The following PTPN9 variants were observed in gnomAD, a reference collection of about 807,000 sequenced individuals.
PTPN9 encodes protein tyrosine phosphatase non-receptor type 9.
PTPN9 carries 26 observed loss-of-function variants against 69.8 expected under a neutral mutation model. That is an observed-to-expected ratio of 0.37 (90% CI 0.27 to 0.52). The LOEUF (loss-of-function observed/expected upper bound fraction) is 0.52. PTPN9 is among the 20% of genes least tolerant of loss of function. The pLI, the probability that PTPN9 is intolerant of heterozygous loss-of-function variation, is 0.91. For missense variants in PTPN9, 549 were observed against 740.3 expected, an observed-to-expected ratio of 0.74 and a Z score of 3.00; for synonymous variants, 274 against 272.5, an observed-to-expected ratio of 1.01 and a Z score of -0.05.
intron 1 of PTPN9, among the ~76,000 whole-genome samples, chr15:75,529,003 T>C (rs1279986051): frequency 6.6e-6 from 1 of 151,844 alleles, no homozygotes; most frequent in East Asian, 1.9e-4. Context: ...TGGAATTTTT[T>C]TTTTAGATAG....
chr15:75,528,890 C>G (rs115167203), intron 1 of PTPN9, among the ~76,000 whole-genome samples: 1 of 150,770 alleles, frequency 6.6e-6, no homozygotes, highest in Non-Finnish European at 1.5e-5. Context: ...TTTGTAGAGA[C>G]GAGGACTCCC....
intron 1 of PTPN9, among the ~76,000 whole-genome samples, chr15:75,539,070 G>A (rs976970510): frequency 3.3e-5 from 5 of 152,138 alleles, no homozygotes; most frequent in Non-Finnish European, 5.9e-5. Flanking sequence ...AGCATTGGAA[G>A]ATAACTATAA....
chr15:75,486,704 T>C (rs770450173), intron 8 of PTPN9, among the ~76,000 whole-genome samples: 18 of 151,740 alleles, frequency 1.2e-4, no homozygotes, highest in Non-Finnish European at 2.4e-4. Context: ...TATTGTATAC[T>C]TGAAAATTGC....
Position 75,505,799 on chromosome 15 carries a change from C to T in PTPN9, c.844G>A (p.Gly282Ser). ...ALDWDSVHVP[G>S]PHAMTIQELV... ...TCTTGGATGGTCATAGCATGGGGAC[C>T]TGGAACATGTACTGAGTCCCAGTCT... Residue 282 changes from glycine to serine, a missense_variant, in exon 7 of 13, where the codon GGT (glycine) becomes AGT (serine). Transcript: ENST00000618819. 6.2e-7 allele frequency: 1 copy of T among 1,614,108 alleles called. No individual in the cohort carries two copies. The highest frequency in any genetic ancestry group is 2.2e-5 in the East Asian group (1 of 44,890).
chr15:75,577,693 T>A (rs1020227642), intron 1 of PTPN9, among the ~76,000 whole-genome samples: 1 of 152,238 alleles, frequency 6.6e-6, no homozygotes, highest in Non-Finnish European at 1.5e-5. Context: ...GCAAATGTGG[T>A]CCTTGGAAAC....
rs533484553 is a variant in PTPN9, at chr15:75,559,642, C to T, written c.63+19072G>A. Among the ~76,000 whole-genome samples the T allele has an allele frequency of 9.9e-5, 15 of 151,976 alleles. 1 individual carries two copies. Among genetic ancestry groups the T allele is most frequent in the Admixed American group, 7.9e-4 (12 of 15,242 alleles). ...CAGGGACACAAACACTGCGGAAGGC[C>T]GCAGGGTCCTCTGCCTAGGAAAACC... On this transcript the variant is annotated intron_variant, in intron 1 of 12. Coordinates refer to ENST00000618819, the MANE Select transcript of PTPN9 (RefSeq NM_002833.4).
chr15:75,486,118 A>C (rs2074675708), intron 8 of PTPN9, among the ~76,000 whole-genome samples: 1 of 148,162 alleles, frequency 6.7e-6, no homozygotes, highest in Non-Finnish European at 1.5e-5. Context: ...AAAAAAAAAC[A>C]AAACTGAAAA....
intron 1 of PTPN9, among the ~76,000 whole-genome samples, chr15:75,575,965 G>T (rs1216080651): frequency 6.7e-6 from 1 of 149,708 alleles, no homozygotes; most frequent in African/African-American, 2.5e-5. Context: ...TGGGCACAGC[G>T]GCCCAGGCCT....
rs1028606627 is a variant in PTPN9 at position 75,463,660 on chromosome 15, T to C, written c.*5109A>G. ...AACATTGTAACAGGTTTCAAGGTGC[T>C]AGATTTTTTTTCCCCCAAGAAAACA... On this transcript the variant is annotated 3_prime_UTR_variant, in exon 13 of 13. Coordinates refer to ENST00000618819, the MANE Select transcript of PTPN9 (RefSeq NM_002833.4). 1 of 152,206 alleles carries C rather than the reference T, an allele frequency of 6.6e-6. No individual in the cohort carries two copies. Among genetic ancestry groups the C allele is most frequent in the Non-Finnish European group, 1.5e-5 (1 of 68,040 alleles). 9.4% of individuals were successfully genotyped at this position (152,206 alleles called of 1,614,324 possible). A position where few individuals can be genotyped will look rare whatever the true frequency, so the allele number is the denominator to read the frequency against.
chr15:75,491,604 AT>A (rs2074711532), intron 7 of PTPN9, among the ~76,000 whole-genome samples: 1 of 152,186 alleles, frequency 6.6e-6, no homozygotes, highest in South Asian at 2.1e-4. Flanking sequence ...CTATGTTGCC[AT>A]AAACAGGCAT....
intron 1 of PTPN9, among the ~76,000 whole-genome samples, chr15:75,533,030 A>G (rs1376405676): frequency 6.6e-6 from 1 of 152,254 alleles, no homozygotes; most frequent in Non-Finnish European, 1.5e-5. Flanking sequence ...TAGTGAAAGA[A>G]AGAATGAGCC....
At chr15:75,505,550 A>G in intron 7 of PTPN9, 125 bp downstream of exon 7, 1 of 632,578 alleles carries the variant, frequency 1.6e-6, no homozygotes, top group Non-Finnish European at 2.7e-6. Flanking sequence ...CATTTATGTG[A>G]GAGTGATGTT....
At chr15:75,526,324 C>T (rs911341107) in intron 2 of PTPN9, among the ~76,000 whole-genome samples, 1 of 152,010 alleles carries the variant, frequency 6.6e-6, no homozygotes, top group African/African-American at 2.4e-5. Context: ...AATCTCTGCA[C>T]CTGGAACACA....
At chr15:75,513,298 T>C (rs767891285) in intron 5 of PTPN9, 1 of 456,082 alleles carries the variant, frequency 2.2e-6, no homozygotes, top group Non-Finnish European at 4.4e-6. Context: ...CTGAAATAAA[T>C]TGTTGCATCT....
intron 7 of PTPN9, among the ~76,000 whole-genome samples, chr15:75,503,040 C>T (rs2141307258): frequency 6.6e-6 from 1 of 152,254 alleles, no homozygotes; most frequent in East Asian, 1.9e-4. Flanking sequence ...GAGATTGCAG[C>T]CTCTGCCCGG....
At chr15:75,530,536 ATTATTATATTATAATATATTATATAT>A in intron 1 of PTPN9, among the ~76,000 whole-genome samples, 1 of 39,196 alleles carries the variant, frequency 2.6e-5, no homozygotes, top group African/African-American at 2.0e-4. Flanking sequence ...ATTATATAAT[ATTATTATATTATAATATATTATATAT>A]TATTATATTA....
intron 5 of PTPN9, among the ~76,000 whole-genome samples, chr15:75,511,437 G>A (rs1019833088): frequency 1.3e-5 from 2 of 152,098 alleles, no homozygotes; most frequent in African/African-American, 4.8e-5. Context: ...AAATACAAAT[G>A]GTTTCATCGT....
chr15:75,574,666 C>T (rs888488090), intron 1 of PTPN9, among the ~76,000 whole-genome samples: 4 of 151,950 alleles, frequency 2.6e-5, no homozygotes, highest in South Asian at 2.1e-4. Context: ...AGGAGCCAGG[C>T]GCGGTGGCTC....
chr15:75,468,192 A>G lies in PTPN9; in HGVS notation c.*577T>C, dbSNP rs1398290939. ...TTATAGAATACGATCATATTATCAC[A>G]TACAATATATATTATATACACACGT... is the stretch of plus-strand genomic sequence containing the variant. On this transcript the variant is annotated 3_prime_UTR_variant, in exon 13 of 13. Coordinates refer to ENST00000618819, the MANE Select transcript of PTPN9 (RefSeq NM_002833.4). 6.5e-6 allele frequency: 1 copy of G among 153,164 alleles called. No individual in the cohort carries two copies. Among genetic ancestry groups the G allele is most frequent in the Non-Finnish European group, 1.5e-5 (1 of 68,414 alleles). The allele number at this position is 153,164 out of a possible 1,614,324, so 9.5% of individuals were successfully genotyped here.
Sources: gnomAD v4.1 joint callset for allele counts (sites outside exome capture counted in the v4.1 genomes callset) on GRCh38, gnomAD v4.1.1 for gene constraint, MANE v1.5 for transcripts, NCBI Gene and HGNC (gene_info 2026-07-23, HGNC 2026-07-21) for gene names.